The following DPP10 variants were observed in gnomAD, a reference collection of about 807,000 sequenced individuals.
DPP10 encodes inactive dipeptidyl peptidase 10.
DPP10 carries 33 observed loss-of-function variants against 120.9 expected under a neutral mutation model. That is an observed-to-expected ratio of 0.27 (90% CI 0.21 to 0.37). The LOEUF (loss-of-function observed/expected upper bound fraction) is 0.37, where lower values mean the gene tolerates loss of function less well. Among genes scored for constraint, DPP10 ranks in the 10% least tolerant of loss-of-function variants. The pLI, the probability that DPP10 is intolerant of heterozygous loss-of-function variation, is 1.00. For missense variants in DPP10, 816 were observed against 942.8 expected (o/e 0.87, Z 1.76); for synonymous variants, 337 against 326.1 (o/e 1.03, Z -0.36).
chr2:115,820,408 G>A (rs951818397), intron 21 of DPP10, among the ~76,000 whole-genome samples: 7 of 148,686 alleles, frequency 4.7e-5, no homozygotes, highest in Non-Finnish European at 8.9e-5. Context: ...TGGAATTTTT[G>A]TTTAGTGAAT....
At chr2:115,471,816 C>T (rs972383193) in intron 3 of DPP10, among the ~76,000 whole-genome samples, 1 of 150,662 alleles carries the variant, frequency 6.6e-6, no homozygotes, top group African/African-American at 2.4e-5. Context: ...GACAAGGTCT[C>T]ACGCTGTTGC....
chr2:115,686,096 T>G (rs956847615), intron 5 of DPP10, among the ~76,000 whole-genome samples: 1 of 152,002 alleles, frequency 6.6e-6, no homozygotes, highest in African/African-American at 2.4e-5. Flanking sequence ...GTTTCAGCTC[T>G]TTTACTGTAA....
intron 1 of DPP10, among the ~76,000 whole-genome samples, chr2:115,290,625 A>G (rs2060614118): frequency 6.6e-6 from 1 of 152,162 alleles, no homozygotes; most frequent in South Asian, 2.1e-4. Context: ...AATTGAAAAT[A>G]AACTTTAAGT....
chr2:114,712,397 T>C (rs1385075770), intron 1 of DPP10, among the ~76,000 whole-genome samples: 1 of 152,238 alleles, frequency 6.6e-6, no homozygotes, highest in Non-Finnish European at 1.5e-5. Context: ...ATAAAGCTGA[T>C]ATTTTATCCC....
intron 1 of DPP10, among the ~76,000 whole-genome samples, chr2:114,687,681 G>A (rs140972003): frequency 2.0e-5 from 3 of 151,972 alleles, no homozygotes; most frequent in Non-Finnish European, 4.4e-5. Context: ...GGGCATTTCA[G>A]TTGAAGGAGT....
At chr2:114,766,232 A>G (rs184966333) in intron 1 of DPP10, among the ~76,000 whole-genome samples, 2 of 152,232 alleles carry the variant, frequency 1.3e-5, no homozygotes, top group East Asian at 3.9e-4. Context: ...GAAACTAAAA[A>G]TTCTATGAGT....
At position 114,728,556 on chromosome 2, in the gene DPP10, A is replaced by G. The variant is rs138502702; in HGVS notation, c.60+285718A>G. Among the ~76,000 whole-genome samples the G allele has an allele frequency of 8.5e-5, 13 of 152,276 alleles. No homozygotes were observed. The East Asian group carries it at 2.5e-3, about 29-fold the overall frequency. ...TCCCATTCTCTTGGACACATAAATGACTCAGAAATGGACTTTTGACTTCTG... is the reference window on the plus strand; with the variant it reads ...TCCCATTCTCTTGGACACATAAATGGCTCAGAAATGGACTTTTGACTTCTG... On this transcript the variant is annotated intron_variant, in intron 1 of 25. Coordinates refer to ENST00000410059, the MANE Select transcript of DPP10 (RefSeq NM_020868.6).
At chr2:114,916,207 C>T (rs1052890683) in intron 1 of DPP10, among the ~76,000 whole-genome samples, 1 of 152,120 alleles carries the variant, frequency 6.6e-6, no homozygotes, top group Admixed American at 6.5e-5. Flanking sequence ...CCGCTATTCA[C>T]ATAAACTACA....
chr2:115,369,156 A>G (rs937370972), intron 3 of DPP10, among the ~76,000 whole-genome samples: 4 of 152,086 alleles, frequency 2.6e-5, no homozygotes, highest in Non-Finnish European at 5.9e-5. Context: ...TCTAACAGCA[A>G]ATGATCAGAC....
chr2:115,582,957 C>G (rs1165931131), intron 5 of DPP10, among the ~76,000 whole-genome samples: 1 of 152,066 alleles, frequency 6.6e-6, no homozygotes, highest in Admixed American at 6.6e-5. Flanking sequence ...TTCTCTCTTC[C>G]CTATAATTAA....
intron 1 of DPP10, among the ~76,000 whole-genome samples, chr2:115,238,907 GCAAGCTGAGGAGCAAGGAAGCCAGTC>G (rs1482170485): frequency 6.6e-6 from 1 of 152,066 alleles, no homozygotes; most frequent in African/African-American, 2.4e-5. Context: ...TAGGCCATCT[GCAAGCTGAGGAGCAAGGAAGCCAGTC>G]CAAGTCCCAA....
intron 1 of DPP10, among the ~76,000 whole-genome samples, chr2:114,731,560 T>C (rs1373313830): frequency 6.6e-6 from 1 of 152,128 alleles, no homozygotes; most frequent in African/African-American, 2.4e-5. Flanking sequence ...GATATCCCTC[T>C]CACAGGAAAC....
intron 10 of DPP10, chr2:115,750,088 G>A: frequency 2.0e-6 from 2 of 985,402 alleles, no homozygotes; most frequent in Non-Finnish European, 2.4e-6. Context: ...GGACACTTCT[G>A]CTGGCCACTG....
intron 5 of DPP10, among the ~76,000 whole-genome samples, chr2:115,584,213 T>A (rs1419519935): frequency 1.3e-5 from 2 of 152,236 alleles, no homozygotes; most frequent in East Asian, 3.9e-4. Context: ...AGTTTTAAGA[T>A]ACATTTTTCA....
At chr2:114,645,852 G>A (rs951450292) in intron 1 of DPP10, among the ~76,000 whole-genome samples, 2 of 152,082 alleles carry the variant, frequency 1.3e-5, no homozygotes, top group Admixed American at 6.5e-5. Flanking sequence ...GAACCTCCAG[G>A]CCTTCTTAGA....
intron 1 of DPP10, among the ~76,000 whole-genome samples, chr2:114,821,355 A>T (rs542217333): frequency 3.9e-5 from 6 of 152,120 alleles, no homozygotes; most frequent in Non-Finnish European, 5.9e-5. Context: ...TGTTTGATGG[A>T]CTCAGTTTCT....
intron 1 of DPP10, among the ~76,000 whole-genome samples, chr2:115,124,677 T>G (rs572467612): frequency 6.6e-6 from 1 of 152,258 alleles, no homozygotes; most frequent in Non-Finnish European, 1.5e-5. Context: ...TAGTTACTTA[T>G]GTAATTATAT....
chr2:115,166,060 T>C (rs1002226071), intron 1 of DPP10, among the ~76,000 whole-genome samples: 3 of 152,246 alleles, frequency 2.0e-5, no homozygotes, highest in Non-Finnish European at 4.4e-5. Context: ...CGATGTGCTT[T>C]AGACATTTAG....
chr2:115,384,584 AGG>A (rs2066742010), intron 3 of DPP10, among the ~76,000 whole-genome samples: 1 of 149,476 alleles, frequency 6.7e-6, no homozygotes, highest in East Asian at 2.0e-4. Flanking sequence ...GAGGAAGAGG[AGG>A]AAAAGGAAGA....
Sources: gnomAD v4.1 joint callset for allele counts (sites outside exome capture counted in the v4.1 genomes callset) on GRCh38, gnomAD v4.1.1 for gene constraint, MANE v1.5 for transcripts, NCBI Gene and HGNC (gene_info 2026-07-23, HGNC 2026-07-21) for gene names.